The following MAP4K1 variants were observed in gnomAD, a reference collection of about 807,000 sequenced individuals.
MAP4K1 encodes MAPK/ERK kinase kinase kinase 1.
MAP4K1 carries 35 observed loss-of-function variants against 122.8 expected under a neutral mutation model. The ratio of observed to expected loss-of-function variants is 0.29; its 90% confidence interval spans 0.22 to 0.38. MAP4K1 has a LOEUF of 0.38. Ranked by LOEUF, MAP4K1 falls within the 10% of genes least tolerant of loss-of-function variation. The pLI, the probability that MAP4K1 is intolerant of heterozygous loss-of-function variation, is 1.00. For synonymous variants in MAP4K1, 412 were observed against 421.3 expected (o/e 0.98, Z 0.27); for missense variants, 791 against 1,072.6 (o/e 0.74, Z 3.67).
intron 19 of MAP4K1, among the ~76,000 whole-genome samples, chr19:38,603,208 A>G (rs1361663951): frequency 1.4e-5 from 2 of 144,732 alleles, no homozygotes; most frequent in Non-Finnish European, 3.1e-5. Flanking sequence ...ATATACACAT[A>G]CATATATACA....
At chr19:38,592,284 T>C (rs1269947309) in intron 30 of MAP4K1, among the ~76,000 whole-genome samples, 2 of 151,106 alleles carry the variant, frequency 1.3e-5, no homozygotes, top group Non-Finnish European at 3.0e-5. Context: ...AAAAATGAAA[T>C]AAAATTAAGG....
Position 38,599,933 on chromosome 19 carries a change from G to C in MAP4K1, c.1661C>G (p.Ser554Cys). Residue 554 changes from serine (S) to cysteine (C), a missense_variant, in exon 22 of 31, where the codon TCT (serine) becomes TGT (cysteine). Ser to Cys is a moderately radical substitution (Grantham distance 112). This residue lies in a region of MAP4K1 where 58 missense variants were observed against 118.7 expected (regional missense o/e 0.49). Coordinates refer to ENST00000396857, the MANE Select transcript of MAP4K1 (RefSeq NM_001042600.3). ...GCTACCCACAGCCAGACCTGAGAGA[G>C]ACATGAGAACGTTGTTGATGGAGTA... ...WVYSINNVLM[S>C]LSGKTPHLYS... 6.2e-7 allele frequency: 1 copy of C among 1,614,052 alleles called. No homozygotes were observed. The highest frequency in any genetic ancestry group is 8.5e-7 in the Non-Finnish European group (1 of 1,180,004).
Position 38,597,649 on chromosome 19 carries a change from A to G in MAP4K1, c.1670-55T>C. ...AGGAAGTTATAGGATCCCATATACCACTTCCTTTCCTCCATCCCTTCCCTC... is the reference window on the plus strand; with the variant it reads ...AGGAAGTTATAGGATCCCATATACCGCTTCCTTTCCTCCATCCCTTCCCTC... On this transcript the variant is annotated intron_variant, in intron 22 of 30. Coordinates refer to ENST00000396857, the MANE Select transcript of MAP4K1 (RefSeq NM_001042600.3). This position sits in a 1 kb window ranked among gnomAD's most constrained non-coding sequence, Gnocchi z 4.6. 3.3e-6 allele frequency: 4 copies of G among 1,221,136 alleles called. No individual in the cohort carries two copies. The South Asian group carries it at 5.6e-5, about 17-fold the overall frequency. The allele number at this position is 1,221,136 out of a possible 1,614,324, so 75.6% of individuals were successfully genotyped here. A position where few individuals can be genotyped will look rare whatever the true frequency, so the allele number is the denominator to read the frequency against.
chr19:38,598,974 C>T (rs1974973817), intron 22 of MAP4K1, among the ~76,000 whole-genome samples: 1 of 142,910 alleles, frequency 7.0e-6, no homozygotes, highest in African/African-American at 2.6e-5. Context: ...GACTGCGCCA[C>T]TGCACTCCAG....
intron 11 of MAP4K1, among the ~76,000 whole-genome samples, chr19:38,610,372 A>ATTTTTTTTTTTTTTTTTTTT (rs35103992): frequency 5.3e-5 from 4 of 76,178 alleles, no homozygotes; most frequent in African/African-American, 2.4e-4. Context: ...CGCCCAGCTA[A>ATTTTTTTTTTTTTTTTTTTT]TTTTTTTTTT....
chr19:38,608,252 A>T, intron 13 of MAP4K1, 82 bp from the exon 14 acceptor site: 1 of 455,214 alleles, frequency 2.2e-6, no homozygotes, highest in Non-Finnish European at 3.8e-6. Flanking sequence ...AAAGAGTAGA[A>T]TTGGCGGGGG....
chr19:38,604,128 CAAAAAAA>C (rs200072842), intron 19 of MAP4K1, among the ~76,000 whole-genome samples: 287 of 53,512 alleles, frequency 5.4e-3, no homozygotes, highest in Non-Finnish European at 0.01. Flanking sequence ...GATACTATCT[CAAAAAAA>C]AAAAAAAAAA....
Position 38,613,957 on chromosome 19 carries a change from A to T in MAP4K1, c.461-5T>A. The T allele has an allele frequency of 1.3e-5, 21 of 1,613,976 alleles. No homozygotes were observed. Among genetic ancestry groups the T allele is most frequent in the Non-Finnish European group, 1.4e-5 (17 of 1,179,958 alleles). On this transcript the variant is annotated splice_polypyrimidine_tract_variant and splice_region_variant and intron_variant, in intron 7 of 30. Transcript: ENST00000396857. ...GGGCCGAGATGCCAAAGTCAGCTGG[A>T]AGCAGAGGGAGACATAGTGATCTGG...
chr19:38,606,860 G>C (rs1975343960), intron 16 of MAP4K1, among the ~76,000 whole-genome samples: 2 of 152,184 alleles, frequency 1.3e-5, no homozygotes, highest in South Asian at 2.1e-4. Flanking sequence ...CCACACACAG[G>C]CTGTCGCACG....
chr19:38,603,077 T>G (rs538380598), intron 19 of MAP4K1, among the ~76,000 whole-genome samples: 1 of 121,102 alleles, frequency 8.3e-6, no homozygotes, highest in Non-Finnish European at 1.8e-5. Context: ...CATATACATA[T>G]ATACACATGT....
chr19:38,602,399 CATAT>C (rs747608644), intron 19 of MAP4K1, among the ~76,000 whole-genome samples: 10 of 148,152 alleles, frequency 6.7e-5, no homozygotes, highest in African/African-American at 2.5e-4. Context: ...TACACATATA[CATAT>C]ATATATAGAC....
At position 38,590,385 on chromosome 19, in the gene MAP4K1, AAAAAAAAAAATATATATATATATATATAT is replaced by A. The variant is rs1217551945; in HGVS notation, c.2397-2597_2397-2569del. ...TGATCTTGGACCAGAAAAAAAAAAA[AAAAAAAAAAATATATATATATATATATAT>A]ATATATATATATATATATATATAAT... On this transcript the variant is annotated intron_variant, in intron 30 of 30. Transcript: ENST00000396857. Among the ~76,000 whole-genome samples the A allele has an allele frequency of 2.6e-4, 20 of 78,336 alleles. 2 individuals carry two copies. The highest frequency in any genetic ancestry group is 5.3e-4 in the African/African-American group (8 of 14,960). 51.4% of individuals were successfully genotyped at this position (78,336 alleles called of 152,430 possible).
intron 7 of MAP4K1, 43 bp downstream of exon 7, chr19:38,614,000 G>GC (rs1348237837): frequency 5.0e-6 from 8 of 1,613,032 alleles, no homozygotes; most frequent in African/African-American, 1.3e-5. Context: ...TGCGCTTCCG[G>GC]CCCCCCAGTC....
chr19:38,595,869 G>C, intron 27 of MAP4K1, 70 bp downstream of exon 27: 1 of 1,572,258 alleles, frequency 6.4e-7, no homozygotes, highest in Non-Finnish European at 8.8e-7. Context: ...AGAAGCACAA[G>C]TTCGGAGGCA....
Position 38,595,468 on chromosome 19 carries a change from T to C in MAP4K1, c.2340+17A>G. 1 of 1,613,918 alleles carries C rather than the reference T, an allele frequency of 6.2e-7. No individual in the cohort carries two copies. The highest frequency in any genetic ancestry group is 8.5e-7 in the Non-Finnish European group (1 of 1,179,884). Reference sequence around the variant, plus strand: ...GGCTGGGGGGCAGTGATGTGGAGTTTGGATGGAGGGGCTTACCTGATCCGA... The same window carrying C: ...GGCTGGGGGGCAGTGATGTGGAGTTCGGATGGAGGGGCTTACCTGATCCGA... On this transcript the variant is annotated intron_variant, in intron 29 of 30. Transcript: ENST00000396857.
Position 38,609,633 on chromosome 19 carries a change from G to A in MAP4K1, c.969C>T (p.Arg323=). ...AIPRRIRSTH[R]SSSLGIPDAD... ...CATCTGGGATCCCCAGAGAGCTGGA[G>A]CGGTGGGTGGATCTGATCCGCCGAG... is the stretch of plus-strand genomic sequence containing the variant. Residue 323 remains arginine (R), a synonymous_variant, in exon 13 of 31, where the codon CGC becomes CGT. Transcript: ENST00000396857. 6.2e-7 allele frequency: 1 copy of A among 1,613,914 alleles called. No individual in the cohort carries two copies. The highest frequency in any genetic ancestry group is 8.5e-7 in the Non-Finnish European group (1 of 1,179,930).
rs1365761138 is a variant in MAP4K1 at position 38,617,619 on chromosome 19, C to G, written c.106G>C (p.Asp36His). Residue 36 changes from aspartate to histidine, a missense_variant, in exon 2 of 31, where the codon GAC becomes CAC. Around this residue, in one of 4 missense-constraint regions of MAP4K1, gnomAD observed 163 missense variants for 286.1 expected, o/e 0.57. Transcript: ENST00000396857. This position sits in a 1 kb window ranked among gnomAD's most constrained non-coding sequence, Gnocchi z 4.1. ...GTYGEVFKAR[D>H]KVSGDLVALK... is the part of the protein sequence containing the mutation. Reference sequence around the variant, plus strand: ...GCCACCAGGTCCCCTGACACCTTGTCTCGAGCCTTGCAAAGGGGAAGTTGG... The same window carrying G: ...GCCACCAGGTCCCCTGACACCTTGTGTCGAGCCTTGCAAAGGGGAAGTTGG... 8 of 1,614,016 alleles carry G rather than the reference C, an allele frequency of 5.0e-6. No homozygotes were observed. In the South Asian group the frequency reaches 8.8e-5, roughly 18 times the overall value.
chr19:38,594,957 T>TTATCTATCTATCTATC (rs4018120), intron 29 of MAP4K1, among the ~76,000 whole-genome samples: 28 of 146,674 alleles, frequency 1.9e-4, no homozygotes, highest in African/African-American at 5.8e-4. Flanking sequence ...TAAATAAATT[T>TTATCTATCTATCTATC]TATCTATCTA....
chr19:38,616,201 A>G lies in MAP4K1; in HGVS notation c.307T>C (p.Tyr103His). 1 of 1,613,312 alleles carries G rather than the reference A, an allele frequency of 6.2e-7. No individual in the cohort carries two copies. The highest frequency in any genetic ancestry group is 8.5e-7 in the Non-Finnish European group (1 of 1,179,764). ...CCGTTGTCCTTTCTCTAACCTTGGT[A>G]GATGTCCTGGAGAGAACCAGCCCCA... The part of the protein sequence containing the change: ...FCGAGSLQDI[Y>H]QVTGSLSELQ... The change falls in exon 4 of 31, where the codon TAC (tyrosine) becomes CAC (histidine). Residue 103 changes from tyrosine to histidine, a missense_variant. Physicochemically the swap from Tyr to His is moderately conservative, Grantham distance 83. This residue lies in a region of MAP4K1 where 163 missense variants were observed against 286.1 expected (regional missense o/e 0.57). Coordinates refer to ENST00000396857, the MANE Select transcript of MAP4K1 (RefSeq NM_001042600.3).
Sources: gnomAD v4.1 joint callset for allele counts (sites outside exome capture counted in the v4.1 genomes callset) on GRCh38, gnomAD v4.1.1 for gene constraint, gnomAD v4.1.1 regional missense constraint, Gnocchi (gnomAD v3.1) non-coding constraint, MANE v1.5 for transcripts, NCBI Gene and HGNC (gene_info 2026-07-23, HGNC 2026-07-21) for gene names.